ADAMTS12: variants seen among roughly 807,000 people sequenced by gnomAD.
ADAMTS12 encodes A disintegrin and metalloproteinase with thrombospondin motifs 12.
ADAMTS12 carries 118 observed loss-of-function variants against 167.8 expected under a neutral mutation model. That is an observed-to-expected ratio of 0.70 (90% confidence interval 0.61 to 0.82). The LOEUF (loss-of-function observed/expected upper bound fraction) is 0.82. ADAMTS12 is among the 40% of genes least tolerant of loss of function. The pLI, the probability that ADAMTS12 is intolerant of heterozygous loss-of-function variation, is 0.00. For synonymous variants in ADAMTS12, 704 were observed against 716.9 expected (o/e 0.98, Z 0.29); for missense variants, 1,916 against 1,998.8 (o/e 0.96, Z 0.79).
chr5:33,873,799 T>C (rs1357828067), intron 2 of ADAMTS12, among the ~76,000 whole-genome samples: 1 of 152,178 alleles, frequency 6.6e-6, no homozygotes, highest in Admixed American at 6.5e-5. Context: ...AAAGGCAATG[T>C]AATGAAGAAA....
chr5:33,583,496 T>A (rs753064526), intron 18 of ADAMTS12, among the ~76,000 whole-genome samples: 3 of 152,196 alleles, frequency 2.0e-5, no homozygotes, highest in Non-Finnish European at 4.4e-5. Flanking sequence ...TCCTTTCTTT[T>A]TGGTATATAC....
chr5:33,840,370 T>C (rs187767538), intron 2 of ADAMTS12: 1 of 152,368 alleles, frequency 6.6e-6, no homozygotes, highest in East Asian at 1.9e-4. Flanking sequence ...CTTGCTTCAG[T>C]TTCTCCATCT....
At chr5:33,568,172 A>G (rs926585454) in intron 19 of ADAMTS12, among the ~76,000 whole-genome samples, 2 of 152,206 alleles carry the variant, frequency 1.3e-5, no homozygotes, top group South Asian at 4.1e-4. Context: ...AGACCCATTC[A>G]TCTCCTTCCT....
chr5:33,720,911 A>C (rs988642937), intron 3 of ADAMTS12, among the ~76,000 whole-genome samples: 1 of 152,188 alleles, frequency 6.6e-6, no homozygotes, highest in Non-Finnish European at 1.5e-5. Context: ...ACACATTTTT[A>C]CCAAAAGACA....
At chr5:33,735,336 G>T (rs1403885720) in intron 3 of ADAMTS12, among the ~76,000 whole-genome samples, 2 of 152,170 alleles carry the variant, frequency 1.3e-5, no homozygotes, top group African/African-American at 2.4e-5. Flanking sequence ...CTGGTCCGGG[G>T]ACTAAACTTT....
intron 2 of ADAMTS12, chr5:33,880,888 T>G: frequency 1.9e-6 from 1 of 519,472 alleles, no homozygotes; most frequent in Non-Finnish European, 3.3e-6. Context: ...CTGGTTGGAG[T>G]TCTGTCTGCC....
intron 2 of ADAMTS12, among the ~76,000 whole-genome samples, chr5:33,844,664 A>G (rs1382997519): frequency 6.6e-6 from 1 of 152,102 alleles, no homozygotes; most frequent in Non-Finnish European, 1.5e-5. Context: ...TGGTCCCATG[A>G]TCTCGCCCTG....
rs554956743 is a variant in ADAMTS12 at position 33,527,077 on chromosome 5, G to A, written c.*111C>T. ...GGATTTTGTTTCATCATGACCCAAA[G>A]CTGAATCTGAAATATATGAAGCAAA... On this transcript the variant is annotated 3_prime_UTR_variant, in exon 24 of 24. Coordinates refer to ENST00000504830, the MANE Select transcript of ADAMTS12 (RefSeq NM_030955.4). The A allele has an allele frequency of 9.4e-6, 13 of 1,383,022 alleles. No individual in the cohort carries two copies. Among genetic ancestry groups the A allele is most frequent in the East Asian group, 2.3e-5 (1 of 43,424 alleles). 85.7% of individuals were successfully genotyped at this position (1,383,022 alleles called of 1,614,324 possible).
intron 3 of ADAMTS12, among the ~76,000 whole-genome samples, chr5:33,731,564 G>A (rs1392921539): frequency 2.0e-5 from 3 of 152,208 alleles, no homozygotes; most frequent in Non-Finnish European, 2.9e-5. Flanking sequence ...CCACAGGAAG[G>A]GCCAGTTGTG....
chr5:33,658,342 AG>A lies in ADAMTS12; in HGVS notation c.1041-10del, dbSNP rs779505998. 2 of 1,612,840 alleles carry A rather than the reference AG, an allele frequency of 1.2e-6. No homozygotes were observed. Among genetic ancestry groups the A allele is most frequent in the Non-Finnish European group, 1.7e-6 (2 of 1,179,178 alleles). ...CAGCACAGATGTCCTTTCTGAAAGC[AG>A]AGAATACAGAAGCTAAGGCGCCCAA... On this transcript the variant is annotated splice_polypyrimidine_tract_variant and intron_variant, in intron 6 of 23. Coordinates refer to ENST00000504830, the MANE Select transcript of ADAMTS12 (RefSeq NM_030955.4).
chr5:33,708,194 A>G (rs1394595558), intron 3 of ADAMTS12, among the ~76,000 whole-genome samples: 1 of 152,250 alleles, frequency 6.6e-6, no homozygotes, highest in Non-Finnish European at 1.5e-5. Flanking sequence ...ACATATGATA[A>G]AAAGCTTATC....
intron 7 of ADAMTS12, among the ~76,000 whole-genome samples, chr5:33,653,781 G>A (rs1339719850): frequency 6.6e-6 from 1 of 152,056 alleles, no homozygotes; most frequent in East Asian, 1.9e-4. Flanking sequence ...GCCTGGGCAT[G>A]GATTTTCTTT....
intron 1 of ADAMTS12, among the ~76,000 whole-genome samples, chr5:33,883,617 T>TAC (rs1188812890): frequency 6.6e-6 from 1 of 151,978 alleles, no homozygotes; most frequent in Non-Finnish European, 1.5e-5. Context: ...TCATGGAAAA[T>TAC]ACACACACAC....
At chr5:33,889,314 A>T (rs1385742663) in intron 1 of ADAMTS12, among the ~76,000 whole-genome samples, 1 of 152,206 alleles carries the variant, frequency 6.6e-6, no homozygotes, top group African/African-American at 2.4e-5. Context: ...TTTCAAAAAT[A>T]AGAATGGGTG....
At chr5:33,651,242 G>A (rs1031040922) in intron 7 of ADAMTS12, among the ~76,000 whole-genome samples, 6 of 152,078 alleles carry the variant, frequency 3.9e-5, no homozygotes, top group Non-Finnish European at 8.8e-5. Context: ...ATCCTAAACT[G>A]CAAGCAAGGT....
At chr5:33,710,063 TTG>T (rs920365318) in intron 3 of ADAMTS12, among the ~76,000 whole-genome samples, 93 of 152,260 alleles carry the variant, frequency 6.1e-4, no homozygotes, top group African/African-American at 2.2e-3. Context: ...AGGTTTAAAA[TTG>T]TGTGTCTTAG....
intron 2 of ADAMTS12, among the ~76,000 whole-genome samples, chr5:33,861,789 C>G (rs1221319804): frequency 1.3e-5 from 2 of 152,160 alleles, no homozygotes; most frequent in Non-Finnish European, 2.9e-5. Flanking sequence ...TAAAACACTC[C>G]TCAGCAAATG....
intron 3 of ADAMTS12, among the ~76,000 whole-genome samples, chr5:33,693,434 C>T (rs10060550): frequency 0.22 from 34,154 of 152,054 alleles, 4,009 homozygotes; most frequent in East Asian, 0.42. Context: ...TGTGTACACA[C>T]AAACATATTT....
intron 2 of ADAMTS12, among the ~76,000 whole-genome samples, chr5:33,793,384 TA>T (rs1345035308): frequency 6.6e-6 from 1 of 152,250 alleles, no homozygotes; most frequent in African/African-American, 2.4e-5. Context: ...GAATAAACTT[TA>T]TTTTTTTGAT....
Sources: allele counts gnomAD v4.1 joint callset (sites outside exome capture counted in the v4.1 genomes callset), GRCh38; gene constraint gnomAD v4.1.1; transcripts MANE v1.5; gene names NCBI Gene and HGNC (gene_info 2026-07-23, HGNC 2026-07-21).